Variants in DSTN observed in about 807,000 individuals in gnomAD.
DSTN encodes destrin, actin depolymerizing factor.
DSTN carries 10 observed loss-of-function variants against 16.8 expected under a neutral mutation model. The observed-to-expected ratio is 0.60, with a 90% CI of 0.37 to 1.01. The LOEUF (loss-of-function observed/expected upper bound fraction) is 1.01, where lower values mean the gene tolerates loss of function less well. DSTN is among the 50% of genes least tolerant of loss of function. The pLI, the probability that DSTN is intolerant of heterozygous loss-of-function variation, is 0.01. For synonymous variants in DSTN, 57 were observed against 58.9 expected, an observed-to-expected ratio of 0.97 and a Z score of 0.14; for missense variants, 141 against 196.7, an observed-to-expected ratio of 0.72 and a Z score of 1.69.
intron 3 of DSTN, 122 bp from the exon 4 acceptor site, chr20:17,606,915 C>T (rs1180902120): frequency 1.7e-5 from 13 of 786,084 alleles, no homozygotes; most frequent in Non-Finnish European, 2.0e-5. Flanking sequence ...TGTAGTATTC[C>T]GTGTTTGTAT....
intron 1 of DSTN, among the ~76,000 whole-genome samples, chr20:17,574,335 C>T (rs2035241895): frequency 6.6e-6 from 1 of 152,178 alleles, no homozygotes; most frequent in African/African-American, 2.4e-5. Context: ...TCTGTTAATT[C>T]TATCCACCTG....
At chr20:17,592,943 T>G (rs1998217) in intron 1 of DSTN, among the ~76,000 whole-genome samples, 1 of 152,226 alleles carries the variant, frequency 6.6e-6, no homozygotes, top group Non-Finnish European at 1.5e-5. Context: ...TACTATAATT[T>G]TCTTCCTCTT....
At chr20:17,574,748 T>A (rs6131972) in intron 1 of DSTN, among the ~76,000 whole-genome samples, 8,631 of 64,242 alleles carry the variant, frequency 0.13, 534 homozygotes, top group Non-Finnish European at 0.25. Context: ...AAAAAAAAAA[T>A]TAAAAGTCTA....
intron 1 of DSTN, among the ~76,000 whole-genome samples, chr20:17,581,849 A>G (rs995400956): frequency 6.6e-6 from 1 of 152,262 alleles, no homozygotes; most frequent in African/African-American, 2.4e-5. Context: ...AGTTGATTAT[A>G]TAAAAGTAGT....
chr20:17,609,587 A>G lies in DSTN; in HGVS notation c.*2441A>G, dbSNP rs2035677631. On this transcript the variant is annotated 3_prime_UTR_variant, in exon 4 of 4. Coordinates refer to ENST00000246069, the MANE Select transcript of DSTN (RefSeq NM_006870.4). The stretch of plus-strand genomic sequence containing the variant: ...ACAAAGGGATGTGATGTAAGCATCC[A>G]GAACTCACTCCAGAAATTGAATAAA... 6.6e-6 allele frequency: 1 copy of G among 152,250 alleles called. No homozygotes were observed. The highest frequency in any genetic ancestry group is 6.5e-5 in the Admixed American group (1 of 15,288). 9.4% of individuals were successfully genotyped at this position (152,250 alleles called of 1,614,324 possible). A position where few individuals can be genotyped will look rare whatever the true frequency, so the allele number is the denominator to read the frequency against.
chr20:17,604,424 G>A (rs1376712091), intron 2 of DSTN, 131 bp from the exon 3 acceptor site: 5 of 850,032 alleles, frequency 5.9e-6, no homozygotes, highest in East Asian at 2.7e-5. Context: ...GAAAAAATGT[G>A]CAGTTAAGAA....
chr20:17,587,996 T>C (rs1337213480), intron 1 of DSTN, among the ~76,000 whole-genome samples: 3 of 152,250 alleles, frequency 2.0e-5, no homozygotes, highest in African/African-American at 7.2e-5. Flanking sequence ...GCTGATTTAC[T>C]GAGCACGAGA....
intron 1 of DSTN, among the ~76,000 whole-genome samples, chr20:17,592,453 G>A (rs576318894): frequency 6.6e-6 from 1 of 150,872 alleles, no homozygotes; most frequent in Non-Finnish European, 1.5e-5. Context: ...AAAAAATCTC[G>A]GAACCGGTTA....
chr20:17,586,051 A>G (rs1355125489), intron 1 of DSTN, among the ~76,000 whole-genome samples: 2 of 152,186 alleles, frequency 1.3e-5, no homozygotes, highest in African/African-American at 4.8e-5. Context: ...CTGAGAAAAC[A>G]GGTCGCCCGA....
intron 1 of DSTN, among the ~76,000 whole-genome samples, chr20:17,580,059 AAG>A (rs2035325902): frequency 6.6e-6 from 1 of 152,232 alleles, no homozygotes; most frequent in South Asian, 2.1e-4. Flanking sequence ...AGCAAATGAA[AAG>A]AGTTGGAGGA....
At chr20:17,580,730 A>G (rs1055793237) in intron 1 of DSTN, among the ~76,000 whole-genome samples, 3 of 151,872 alleles carry the variant, frequency 2.0e-5, no homozygotes, top group African/African-American at 4.8e-5. Flanking sequence ...CCTGGGGGAC[A>G]AGAGTGAAAC....
intron 1 of DSTN, among the ~76,000 whole-genome samples, chr20:17,588,596 A>G (rs2122184200): frequency 6.6e-6 from 1 of 152,248 alleles, no homozygotes; most frequent in Middle Eastern, 3.4e-3. Context: ...CCTGGCTAAC[A>G]TGGTGAAACC....
intron 1 of DSTN, among the ~76,000 whole-genome samples, chr20:17,587,162 C>A (rs2035419116): frequency 6.7e-6 from 1 of 150,136 alleles, no homozygotes; most frequent in Admixed American, 6.6e-5. Context: ...TCCATTATTT[C>A]ACTTCTTCCC....
At chr20:17,571,826 G>C (rs190771417) in intron 1 of DSTN, among the ~76,000 whole-genome samples, 35 of 152,176 alleles carry the variant, frequency 2.3e-4, no homozygotes, top group Middle Eastern at 6.8e-3. Context: ...AGGAAGGAAG[G>C]GTCTGTTATA....
chr20:17,570,147 G>T lies in DSTN; in HGVS notation c.-62G>T, dbSNP rs920648757. On this transcript the variant is annotated 5_prime_UTR_variant, in exon 1 of 4. Transcript: ENST00000246069. ...TCGGTCCCGCAGCCGTGAGGAGGAC[G>T]GTCTGCATACTCGCTGCCCGCCGGC... 9.2e-6 allele frequency: 14 copies of T among 1,515,870 alleles called. No individual in the cohort carries two copies. The highest frequency in any genetic ancestry group is 1.2e-5 in the Non-Finnish European group (14 of 1,136,346). 93.9% of individuals were successfully genotyped at this position (1,515,870 alleles called of 1,614,324 possible).
chr20:17,592,483 A>G (rs1376170315), intron 1 of DSTN, among the ~76,000 whole-genome samples: 8 of 151,718 alleles, frequency 5.3e-5, no homozygotes, highest in Non-Finnish European at 1.2e-4. Flanking sequence ...TATTTCTTTT[A>G]TCTCGGTTTT....
chr20:17,602,821 T>G (rs2035600781), intron 2 of DSTN, among the ~76,000 whole-genome samples: 1 of 152,078 alleles, frequency 6.6e-6, no homozygotes. Context: ...GGTCAAGAGA[T>G]CGAGACCATC....
At chr20:17,590,069 T>C (rs1404215241) in intron 1 of DSTN, among the ~76,000 whole-genome samples, 3 of 152,232 alleles carry the variant, frequency 2.0e-5, no homozygotes, top group Admixed American at 6.5e-5. Context: ...GAGGGACTGC[T>C]GTAAGCTATC....
chr20:17,570,296 G>A, intron 1 of DSTN, 85 bp downstream of exon 1: 4 of 1,383,752 alleles, frequency 2.9e-6, no homozygotes, highest in East Asian at 3.1e-5. Flanking sequence ...GGCTAAGGGG[G>A]TGAGCCGTGC....
Sources: gnomAD v4.1 joint callset for allele counts (sites outside exome capture counted in the v4.1 genomes callset) on GRCh38, gnomAD v4.1.1 for gene constraint, MANE v1.5 for transcripts, NCBI Gene and HGNC (gene_info 2026-07-23, HGNC 2026-07-21) for gene names.